NCOR1: variants seen among roughly 807,000 people sequenced by gnomAD.
NCOR1 encodes protein phosphatase 1, regulatory subunit 109.
Under a neutral mutation model 288.1 loss-of-function variants are expected in NCOR1, and 63 were observed. The observed-to-expected ratio is 0.22, with a 90% CI of 0.18 to 0.27. The LOEUF is 0.27. NCOR1 is among the 10% of genes least tolerant of loss of function. NCOR1 has a pLI of 1.00. For missense variants in NCOR1, 2,397 were observed against 3,019.2 expected (o/e 0.79, Z 4.83); for synonymous variants, 1,007 against 1,065.9 (o/e 0.94, Z 1.08).
chr17:16,180,290 G>C (rs1189384924), intron 3 of NCOR1, among the ~76,000 whole-genome samples: 2 of 152,328 alleles, frequency 1.3e-5, no homozygotes, highest in South Asian at 2.1e-4. Flanking sequence ...GTTGGCGAGG[G>C]TATGGAGAAA....
intron 1 of NCOR1, among the ~76,000 whole-genome samples, chr17:16,199,564 T>C (rs2153577801): frequency 6.6e-6 from 1 of 152,302 alleles, no homozygotes; most frequent in Non-Finnish European, 1.5e-5. Flanking sequence ...ACTCTAGTCC[T>C]GGCTCACTAA....
intron 4 of NCOR1, among the ~76,000 whole-genome samples, chr17:16,171,102 A>C (rs1285421912): frequency 6.6e-6 from 1 of 152,178 alleles, no homozygotes; most frequent in Admixed American, 6.5e-5. Context: ...CACCAAAAAA[A>C]AACTATGTGA....
chr17:16,174,958 A>C (rs150242420), intron 3 of NCOR1, among the ~76,000 whole-genome samples: 16 of 152,268 alleles, frequency 1.1e-4, no homozygotes, highest in African/African-American at 3.8e-4. Flanking sequence ...TCACAGCAGA[A>C]TTATTCATAA....
Position 16,065,699 on chromosome 17 carries a change from T to C in NCOR1, c.4742-5A>G. ...GAAACAGGTAAGCAGCCGCTGCTGA[T>C]TGAGAGAATGAAAGAAAGGCACTGA... On this transcript the variant is annotated splice_region_variant and splice_polypyrimidine_tract_variant and intron_variant, in intron 32 of 45. Coordinates refer to ENST00000268712, the MANE Select transcript of NCOR1 (RefSeq NM_006311.4). 6.2e-7 allele frequency: 1 copy of C among 1,613,948 alleles called. No individual in the cohort carries two copies. Among genetic ancestry groups the C allele is most frequent in the Non-Finnish European group, 8.5e-7 (1 of 1,179,842 alleles).
In NCOR1 at chr17:16,151,546, C is replaced by T. The variant is rs2078873882; in HGVS notation, c.842+400G>A. 5.4e-6 allele frequency: 7 copies of T among 1,284,578 alleles called. No individual in the cohort carries two copies. The Admixed American group carries it at 6.9e-5, about 13-fold the overall frequency. 79.6% of individuals were successfully genotyped at this position (1,284,578 alleles called of 1,614,324 possible). ...ATGGCAGATGTGGCTTGGTGGGGGA[C>T]GGTGTCATCACTAGTCTTAAATGAA... On this transcript the variant is annotated intron_variant, in intron 8 of 45. Transcript: ENST00000268712.
At chr17:16,033,945 C>G (rs7225639) in intron 45 of NCOR1, among the ~76,000 whole-genome samples, 2,775 of 152,262 alleles carry the variant, frequency 0.018, 82 homozygotes, top group African/African-American at 0.063. Context: ...ATCTGCCCGC[C>G]TCAGCCTCCC....
chr17:16,144,098 G>A (rs1432508407), intron 10 of NCOR1, among the ~76,000 whole-genome samples: 1 of 152,016 alleles, frequency 6.6e-6, no homozygotes, highest in Non-Finnish European at 1.5e-5. Flanking sequence ...TGAGTTAAGG[G>A]GCTTACATGA....
In NCOR1 at chr17:16,071,451, C is replaced by T. The variant is rs1567832416; in HGVS notation, c.4110G>A (p.Val1370=). 1 of 1,614,078 alleles carries T rather than the reference C, an allele frequency of 6.2e-7. No homozygotes were observed. Among genetic ancestry groups the T allele is most frequent in the Non-Finnish European group, 8.5e-7 (1 of 1,180,004 alleles). Residue 1370 remains valine, a synonymous_variant, in exon 30 of 46, where the codon GTG becomes GTA. Coordinates refer to ENST00000268712, the MANE Select transcript of NCOR1 (RefSeq NM_006311.4). The stretch of plus-strand genomic sequence containing the variant: ...CAATTATCGGCCGTGTGCTCTGGAC[C>T]ACTTCTGGAGTTTTCCGACTTTCCT... The part of the protein sequence containing the change: ...LTQESRKTPE[V]VQSTRPIIEG...
intron 44 of NCOR1, among the ~76,000 whole-genome samples, chr17:16,036,085 T>A (rs906311524): frequency 6.6e-6 from 1 of 152,276 alleles, no homozygotes; most frequent in Admixed American, 6.5e-5. Flanking sequence ...TATTGCCTTA[T>A]GAAATGTATT....
Position 16,137,353 on chromosome 17 carries a change from G to C in NCOR1, c.1467C>G (p.Ala489=). The change falls in exon 14 of 46, where the codon GCC becomes GCG. Residue 489 remains alanine (A), a synonymous_variant. Coordinates refer to ENST00000268712, the MANE Select transcript of NCOR1 (RefSeq NM_006311.4). ...YLTKKNENYK[A]LVRRNYGKRR... is the part of the protein sequence containing the mutation. ...GTTTCCCATAATTCCTTCTGACGAG[G>C]GCTTTATAATTCTCATTTTTCTTGG... The C allele has an allele frequency of 6.2e-7, 1 of 1,603,940 alleles. No individual in the cohort carries two copies. Among genetic ancestry groups the C allele is most frequent in the Non-Finnish European group, 8.5e-7 (1 of 1,174,536 alleles).
At chr17:16,127,636 T>TAC in intron 14 of NCOR1, among the ~76,000 whole-genome samples, 1 of 141,744 alleles carries the variant, frequency 7.1e-6, no homozygotes, top group African/African-American at 2.8e-5. Flanking sequence ...TACATATATG[T>TAC]ATATATGTGT....
At chr17:16,188,153 C>T (rs2087144000) in intron 2 of NCOR1, among the ~76,000 whole-genome samples, 1 of 151,888 alleles carries the variant, frequency 6.6e-6, no homozygotes, top group Admixed American at 6.6e-5. Flanking sequence ...TCTGTGTCAA[C>T]AAAAAGTTTT....
chr17:16,185,576 A>G (rs1306538823), intron 3 of NCOR1, among the ~76,000 whole-genome samples: 1 of 143,910 alleles, frequency 6.9e-6, no homozygotes, highest in Non-Finnish European at 1.5e-5. Context: ...CCAGCTATTT[A>G]GGAGGCTGAG....
At chr17:16,197,502 G>A (rs1236036388) in intron 1 of NCOR1, among the ~76,000 whole-genome samples, 1 of 152,070 alleles carries the variant, frequency 6.6e-6, no homozygotes, top group Non-Finnish European at 1.5e-5. Flanking sequence ...CCTTCCTGAG[G>A]CATGGAGATC....
At chr17:16,152,124 C>T in intron 7 of NCOR1, 126 bp from the exon 8 acceptor site, 2 of 551,772 alleles carry the variant, frequency 3.6e-6, no homozygotes, top group Non-Finnish European at 3.1e-6. Context: ...CATGCCCTAC[C>T]AAAACCTCCA....
rs1052072675 is a variant in NCOR1, at chr17:16,029,767, G to A, written c.*2529C>T. Reference sequence around the variant, plus strand: ...TGTCCTTTCATTTATTTTGAACCAAGAACTATTATTGGATTTTAACTCTCA... The same window carrying A: ...TGTCCTTTCATTTATTTTGAACCAAAAACTATTATTGGATTTTAACTCTCA... On this transcript the variant is annotated 3_prime_UTR_variant, in exon 46 of 46. Coordinates refer to ENST00000268712, the MANE Select transcript of NCOR1 (RefSeq NM_006311.4). 6.6e-6 allele frequency: 1 copy of A among 152,458 alleles called. No homozygotes were observed. The highest frequency in any genetic ancestry group is 1.9e-4 in the East Asian group (1 of 5,210). 9.4% of individuals were successfully genotyped at this position (152,458 alleles called of 1,614,324 possible). A position where few individuals can be genotyped will look rare whatever the true frequency, so the allele number is the denominator to read the frequency against.
At chr17:16,203,040 TACACACACACACACACAC>T (rs57228948) in intron 1 of NCOR1, among the ~76,000 whole-genome samples, 1 of 146,952 alleles carries the variant, frequency 6.8e-6, no homozygotes, top group Non-Finnish European at 1.5e-5. Context: ...AGCTGTTCCT[TACACACACACACACACAC>T]ACACACACAC....
In NCOR1 at chr17:16,127,395, A is replaced by ATG. The variant is rs1395467014; in HGVS notation, c.1510-1191_1510-1190dup. On this transcript the variant is annotated intron_variant, in intron 14 of 45. Transcript: ENST00000268712. ...TATGTATATATGTATGTATATATAC[A>ATG]TGTGTATATGTGTATGTATATATAC... Among the ~76,000 whole-genome samples, 6 of 105,740 alleles carry ATG rather than the reference A, an allele frequency of 5.7e-5. 1 individual carries two copies. The East Asian group carries it at 1.1e-3, about 19-fold the overall frequency. 69.4% of individuals were successfully genotyped at this position (105,740 alleles called of 152,430 possible).
chr17:16,165,434 T>A (rs1462146335), intron 4 of NCOR1, among the ~76,000 whole-genome samples: 2 of 152,186 alleles, frequency 1.3e-5, no homozygotes, highest in Non-Finnish European at 2.9e-5. Context: ...ATACTGAAAT[T>A]ATAGAGAATT....
Sources: gnomAD v4.1 joint callset for allele counts (sites outside exome capture counted in the v4.1 genomes callset) on GRCh38, gnomAD v4.1.1 for gene constraint, MANE v1.5 for transcripts, NCBI Gene and HGNC (gene_info 2026-07-23, HGNC 2026-07-21) for gene names.